The following DEPDC1 variants were observed in gnomAD, a reference collection of about 807,000 sequenced individuals.
DEPDC1 encodes the protein DEP domain containing 1.
Under a neutral mutation model 86.8 loss-of-function variants are expected in DEPDC1, and 66 were observed. The observed-to-expected ratio is 0.76, with a 90% CI of 0.62 to 0.93. The LOEUF is 0.93. DEPDC1 is among the 40% of genes least tolerant of loss of function. DEPDC1 has a pLI of 0.00. For synonymous variants in DEPDC1, 255 were observed against 314.9 expected, an observed-to-expected ratio of 0.81 and a Z score of 2.02; for missense variants, 792 against 935.7, an observed-to-expected ratio of 0.85 and a Z score of 2.00.
At chr1:68,492,081 G>C (rs1175698422) in intron 2 of DEPDC1, among the ~76,000 whole-genome samples, 1 of 152,056 alleles carries the variant, frequency 6.6e-6, no homozygotes, top group Non-Finnish European at 1.5e-5. Context: ...TATTCAAAAA[G>C]TTTGTAGTGA....
chr1:68,479,240 A>C lies in DEPDC1; in HGVS notation c.2016T>G (p.Val672=), dbSNP rs1646137745. ...CCTGATGATGATCCATTAAGAAAGA[A>C]ACTAATCTTCCAGCAAGAAGCTCAT... The part of the protein sequence containing the change: ...DLDELLAGRL[V]SFLMDHHQEI... The change falls in exon 10 of 12, where the codon GTT becomes GTG. Residue 672 remains valine (V), a synonymous_variant. Transcript: ENST00000456315. 1 of 1,612,576 alleles carries C rather than the reference A, an allele frequency of 6.2e-7. No individual in the cohort carries two copies. Among genetic ancestry groups the C allele is most frequent in the Non-Finnish European group, 8.5e-7 (1 of 1,179,232 alleles).
At position 68,494,588 on chromosome 1, in the gene DEPDC1, C is replaced by T; in HGVS notation, c.156G>A (p.Trp52Ter). 1 of 1,613,780 alleles carries T rather than the reference C, an allele frequency of 6.2e-7. No homozygotes were observed. The highest frequency in any genetic ancestry group is 8.5e-7 in the Non-Finnish European group (1 of 1,179,808). The change falls in exon 2 of 12, where the codon TGG becomes TGA. Residue 52 changes from tryptophan to a stop codon, truncating the protein, a stop_gained. Transcript: ENST00000456315. LOFTEE classifies it high-confidence loss of function. ...NCFTAGEAVD[W>*]LYDLLRNNSN... ...TATTATTTCTTAATAGGTCATAAAG[C>T]CAATCCACTGCTTCTCCTGCTGTGA...
At chr1:68,481,801 T>A in intron 8 of DEPDC1, 189 bp from the exon 9 acceptor site, 1 of 633,592 alleles carries the variant, frequency 1.6e-6, no homozygotes, top group Non-Finnish European at 2.5e-6. Context: ...TATTTCTAAG[T>A]ATTAAAATTC....
chr1:68,487,345 T>G (rs188284589), intron 5 of DEPDC1, among the ~76,000 whole-genome samples: 307 of 152,168 alleles, frequency 2.0e-3, no homozygotes, highest in Middle Eastern at 0.01. Flanking sequence ...GTTTCTATTC[T>G]GCCTATTGCT....
At chr1:68,486,376 A>G (rs753996682) in intron 6 of DEPDC1, among the ~76,000 whole-genome samples, 50 of 152,028 alleles carry the variant, frequency 3.3e-4, no homozygotes, top group Non-Finnish European at 6.5e-4. Context: ...TGTAAGTTGT[A>G]AGTTTCCTGA....
At chr1:68,486,881 AACACACACACACACAC>A (rs55915411) in intron 6 of DEPDC1, 40 bp downstream of exon 6, 52 of 1,177,356 alleles carry the variant, frequency 4.4e-5, no homozygotes, top group African/African-American at 2.6e-4. Flanking sequence ...CTATCAATAT[AACACACACACACACAC>A]ACACACACAC....
Position 68,497,045 on chromosome 1 carries a change from T to G in DEPDC1, c.-46A>C. 3 of 1,604,238 alleles carry G rather than the reference T, an allele frequency of 1.9e-6. No individual in the cohort carries two copies. The highest frequency in any genetic ancestry group is 2.6e-6 in the Non-Finnish European group (3 of 1,173,248). ...GCGTCCATGGCGGCGAAGGCGACAC[T>G]CAGGCCCAGCGGCCGCGGCAGTGGC... On this transcript the variant is annotated 5_prime_UTR_variant, in exon 1 of 12. Transcript: ENST00000456315.
At chr1:68,488,586 GAATAT>G in intron 4 of DEPDC1, 82 bp from the exon 5 acceptor site, 3 of 1,209,604 alleles carry the variant, frequency 2.5e-6, no homozygotes, top group Non-Finnish European at 3.4e-6. Context: ...AAAGCCATCA[GAATAT>G]TTTATTTTTT....
At position 68,484,104 on chromosome 1, in the gene DEPDC1, G is replaced by A; in HGVS notation, c.770-14C>T. ...TGCTTCTTGGCCCTAAGAAGTAGAAGGCAAGAGAAAAAGGTAAAGTATATT... is the reference window on the plus strand; with the variant it reads ...TGCTTCTTGGCCCTAAGAAGTAGAAAGCAAGAGAAAAAGGTAAAGTATATT... On this transcript the variant is annotated splice_polypyrimidine_tract_variant and intron_variant, in intron 6 of 11. Coordinates refer to ENST00000456315, the MANE Select transcript of DEPDC1 (RefSeq NM_001114120.3). 2.0e-6 allele frequency: 3 copies of A among 1,517,662 alleles called. No homozygotes were observed. Among genetic ancestry groups the A allele is most frequent in the East Asian group, 2.5e-5 (1 of 40,504 alleles). 94.0% of individuals were successfully genotyped at this position (1,517,662 alleles called of 1,614,324 possible). A position where few individuals can be genotyped will look rare whatever the true frequency, so the allele number is the denominator to read the frequency against.
rs115054049 is a variant in DEPDC1 at position 68,481,450 on chromosome 1, G to A, written c.1925C>T (p.Thr642Met). 836 of 1,611,440 alleles carry A rather than the reference G, an allele frequency of 5.2e-4. 3 individuals carry two copies. In the African/African-American group the frequency reaches 9.5e-3, roughly 18 times the overall value. ...AAGAAATCAACTTACCAGTGACCTC[G>A]TACCCATTGCATCATGAAGTTTGGG... ...DMPKLHDAMG[T>M]RSLMIHTFSR... The change falls in exon 9 of 12, where the codon ACG becomes ATG. Residue 642 changes from threonine to methionine, a missense_variant. Physicochemically the swap from Thr to Met is moderately conservative, Grantham distance 81 (BLOSUM62 -1). Coordinates refer to ENST00000456315, the MANE Select transcript of DEPDC1 (RefSeq NM_001114120.3).
rs1184487574 is a variant in DEPDC1 at position 68,482,281 on chromosome 1, C to T, written c.1527G>A (p.Arg509=). 6.2e-7 allele frequency: 1 copy of T among 1,612,678 alleles called. No homozygotes were observed. ...TACTTCTTAAAAGCAAACTCTGAGA[C>T]CTACAAAGCTGTTTTGACTTGCATT... ...NGKCKSKQLC[R]SQSLLLRSST... is the part of the protein sequence containing the mutation. Residue 509 remains arginine, a synonymous_variant, in exon 8 of 12, where the codon AGG becomes AGA. Coordinates refer to ENST00000456315, the MANE Select transcript of DEPDC1 (RefSeq NM_001114120.3).
At position 68,477,000 on chromosome 1, in the gene DEPDC1, C is replaced by A. The variant is rs1430535923; in HGVS notation, c.2368G>T (p.Gly790Cys). The change falls in exon 12 of 12, where the codon GGT becomes TGT. Residue 790 changes from glycine (G) to cysteine (C), a missense_variant. Gly to Cys is a radical substitution (Grantham distance 159). Transcript: ENST00000456315. ...GGTTGCTTGATTGTAGGTTTGTCAC[C>A]AAAAAGTGCTGCTTCACTCTCCGTG... ...PTTESEAALF[G>C]DKPTIKQPML... 1 of 1,606,808 alleles carries A rather than the reference C, an allele frequency of 6.2e-7. No homozygotes were observed. The highest frequency in any genetic ancestry group is 8.5e-7 in the Non-Finnish European group (1 of 1,176,724).
At chr1:68,489,964 T>C (rs1646218522) in intron 2 of DEPDC1, among the ~76,000 whole-genome samples, 1 of 152,076 alleles carries the variant, frequency 6.6e-6, no homozygotes, top group African/African-American at 2.4e-5. Context: ...TTTGTCCTCA[T>C]TTCTGGAACT....
chr1:68,483,449 A>G, intron 7 of DEPDC1: 1 of 410,748 alleles, frequency 2.4e-6, no homozygotes, highest in Non-Finnish European at 4.7e-6. Context: ...CTAGAGATTG[A>G]GTTCAATTGA....
chr1:68,490,784 T>C (rs777674096), intron 2 of DEPDC1, among the ~76,000 whole-genome samples: 1 of 152,060 alleles, frequency 6.6e-6, no homozygotes, highest in Non-Finnish European at 1.5e-5. Flanking sequence ...ATTCAAACTA[T>C]ACTACAGGCC....
Position 68,476,818 on chromosome 1 carries a change from G to C in DEPDC1, c.*114C>G, listed in dbSNP as rs1408015572. ...ATTTTGGCACTTCCTTACATAATGTGTTTATTTAGAAATACCTTATTAATG... is the reference window on the plus strand; with the variant it reads ...ATTTTGGCACTTCCTTACATAATGTCTTTATTTAGAAATACCTTATTAATG... On this transcript the variant is annotated 3_prime_UTR_variant, in exon 12 of 12. Transcript: ENST00000456315. 1 of 965,588 alleles carries C rather than the reference G, an allele frequency of 1.0e-6. No homozygotes were observed. Among genetic ancestry groups the C allele is most frequent in the Admixed American group, 3.1e-5 (1 of 32,044 alleles). The allele number at this position is 965,588 out of a possible 1,614,324, so 59.8% of individuals were successfully genotyped here. A position where few individuals can be genotyped will look rare whatever the true frequency, so the allele number is the denominator to read the frequency against.
chr1:68,478,229 T>C (rs1055804470), intron 10 of DEPDC1, among the ~76,000 whole-genome samples: 1 of 151,910 alleles, frequency 6.6e-6, no homozygotes, highest in Non-Finnish European at 1.5e-5. Context: ...AAATGGAAAT[T>C]ACATAAGAAA....
At position 68,488,528 on chromosome 1, in the gene DEPDC1, C is replaced by A. The variant is rs1377562050; in HGVS notation, c.591-24G>T. 21 of 1,576,204 alleles carry A rather than the reference C, an allele frequency of 1.3e-5. No individual in the cohort carries two copies. The East Asian group carries it at 4.1e-4, about 31-fold the overall frequency. ...GGCTAAATAGAAGAAAGAATATTAA[C>A]TTTTTTTCTTCATAAATAGATTATA... On this transcript the variant is annotated intron_variant, in intron 4 of 11. Transcript: ENST00000456315.
At position 68,475,397 on chromosome 1, in the gene DEPDC1, T is replaced by TTTTAGTATTCA. The variant is rs1411131865; in HGVS notation, c.*1524_*1534dup. Reference sequence around the variant, plus strand: ...TTTACATATCTATAAACAATAAACGTTTTAGTATTCAAATGCCTTAGAAAG... The same window carrying TTTTAGTATTCA: ...TTTACATATCTATAAACAATAAACGTTTTAGTATTCATTTAGTATTCAAATGCCTTAGAAAG... On this transcript the variant is annotated 3_prime_UTR_variant, in exon 12 of 12. Coordinates refer to ENST00000456315, the MANE Select transcript of DEPDC1 (RefSeq NM_001114120.3). 2.2e-4 allele frequency: 34 copies of TTTTAGTATTCA among 151,864 alleles called. No homozygotes were observed. Among genetic ancestry groups the TTTTAGTATTCA allele is most frequent in the African/African-American group, 8.2e-4 (34 of 41,410 alleles). The allele number at this position is 151,864 out of a possible 1,614,324, so 9.4% of individuals were successfully genotyped here.
Sources: allele counts gnomAD v4.1 joint callset (sites outside exome capture counted in the v4.1 genomes callset), GRCh38; gene constraint gnomAD v4.1.1; transcripts MANE v1.5; gene names NCBI Gene and HGNC (gene_info 2026-07-23, HGNC 2026-07-21).